The following CSNK1G3 variants were observed in gnomAD, a reference collection of about 807,000 sequenced individuals.
CSNK1G3 encodes casein kinase I isoform gamma-3.
CSNK1G3 carries 23 observed loss-of-function variants against 64.3 expected under a neutral mutation model. The ratio of observed to expected loss-of-function variants is 0.36; its 90% CI spans 0.26 to 0.51. CSNK1G3 has a LOEUF of 0.51. Ranked by LOEUF, CSNK1G3 falls within the 20% of genes least tolerant of loss-of-function variation. The pLI, the probability that CSNK1G3 is intolerant of heterozygous loss-of-function variation, is 0.96. For synonymous variants in CSNK1G3, 158 were observed against 162.2 expected (o/e 0.97, Z 0.20); for missense variants, 357 against 510.5 (o/e 0.70, Z 2.90).
chr5:123,543,804 A>G (rs1031673912), intron 1 of CSNK1G3, among the ~76,000 whole-genome samples: 1 of 152,194 alleles, frequency 6.6e-6, no homozygotes, highest in African/African-American at 2.4e-5. Flanking sequence ...GATGTTCAGT[A>G]TAGTTACTCT....
At chr5:123,529,306 T>C (rs965548237) in intron 1 of CSNK1G3, among the ~76,000 whole-genome samples, 1 of 152,218 alleles carries the variant, frequency 6.6e-6, no homozygotes, top group Non-Finnish European at 1.5e-5. Flanking sequence ...TAACTCTGTA[T>C]TTATCCTGGA....
chr5:123,559,206 A>G (rs899382836), intron 4 of CSNK1G3, among the ~76,000 whole-genome samples: 6 of 151,926 alleles, frequency 3.9e-5, no homozygotes, highest in Non-Finnish European at 5.9e-5. Context: ...GTGATTGCCT[A>G]CTGGGAAATC....
chr5:123,566,022 A>G (rs1175099172), intron 4 of CSNK1G3, among the ~76,000 whole-genome samples: 1 of 152,186 alleles, frequency 6.6e-6, no homozygotes, highest in African/African-American at 2.4e-5. Flanking sequence ...AGACCTGAAA[A>G]TGGATCATGA....
intron 2 of CSNK1G3, 49 bp downstream of exon 2, chr5:123,545,890 G>A: frequency 7.2e-7 from 1 of 1,389,832 alleles, no homozygotes; most frequent in Non-Finnish European, 1.0e-6. Context: ...TTTAAAAATT[G>A]GAAGATACTT....
At chr5:123,610,829 A>C (rs1409748313) in intron 12 of CSNK1G3, among the ~76,000 whole-genome samples, 1 of 152,140 alleles carries the variant, frequency 6.6e-6, no homozygotes, top group African/African-American at 2.4e-5. Flanking sequence ...TAATGAAAAA[A>C]AAATTTACCA....
intron 4 of CSNK1G3, among the ~76,000 whole-genome samples, chr5:123,570,159 A>G (rs2150625445): frequency 6.6e-6 from 1 of 152,310 alleles, no homozygotes; most frequent in South Asian, 2.1e-4. Flanking sequence ...ATTAATTAAG[A>G]CAGTGAAATT....
chr5:123,551,396 G>C (rs1783612037), intron 2 of CSNK1G3, among the ~76,000 whole-genome samples: 1 of 152,058 alleles, frequency 6.6e-6, no homozygotes, highest in Non-Finnish European at 1.5e-5. Context: ...ATGTATATAG[G>C]TTCAATGAGT....
chr5:123,536,236 G>GATAC (rs1780778636), intron 1 of CSNK1G3, among the ~76,000 whole-genome samples: 3 of 152,016 alleles, frequency 2.0e-5, no homozygotes, highest in African/African-American at 7.2e-5. Context: ...AGGTGGGATG[G>GATAC]AAGACAAGGG....
intron 4 of CSNK1G3, among the ~76,000 whole-genome samples, chr5:123,564,504 A>G (rs148264707): frequency 2.1e-4 from 32 of 152,256 alleles, no homozygotes; most frequent in African/African-American, 7.5e-4. Context: ...TTGTAAGAAG[A>G]AAAGATTTGT....
At chr5:123,526,008 A>T (rs1779000407) in intron 1 of CSNK1G3, among the ~76,000 whole-genome samples, 3 of 151,706 alleles carry the variant, frequency 2.0e-5, no homozygotes, top group Admixed American at 2.0e-4. Flanking sequence ...AAAAAAAAAA[A>T]AAAAAAAGTA....
chr5:123,561,474 A>G (rs964706785), intron 4 of CSNK1G3, among the ~76,000 whole-genome samples: 14 of 152,208 alleles, frequency 9.2e-5, no homozygotes, highest in Non-Finnish European at 2.1e-4. Context: ...AAGTAAAGGG[A>G]TGTAATGTGA....
At chr5:123,610,271 G>A (rs1001872528) in intron 12 of CSNK1G3, among the ~76,000 whole-genome samples, 1 of 152,034 alleles carries the variant, frequency 6.6e-6, no homozygotes, top group African/African-American at 2.4e-5. Context: ...AACCTTAAGG[G>A]GAAATATTCT....
chr5:123,575,954 T>G (rs1387998622), exon 6 of CSNK1G3: 1 of 1,604,880 alleles, frequency 6.2e-7, no homozygotes, highest in Non-Finnish European at 8.5e-7. Flanking sequence ...AAACACACAT[T>G]TAGGAAAAGG....
At chr5:123,586,104 G>C (rs1237099861) in intron 6 of CSNK1G3, among the ~76,000 whole-genome samples, 1 of 152,148 alleles carries the variant, frequency 6.6e-6, no homozygotes, top group Non-Finnish European at 1.5e-5. Flanking sequence ...AAAAAGTAAT[G>C]AGCTATGGTT....
At chr5:123,519,254 A>G (rs918378094) in intron 1 of CSNK1G3, among the ~76,000 whole-genome samples, 5 of 151,740 alleles carry the variant, frequency 3.3e-5, no homozygotes, top group Non-Finnish European at 7.4e-5. Context: ...GGGTTTTGCC[A>G]TGTTGGCCAG....
intron 12 of CSNK1G3, among the ~76,000 whole-genome samples, chr5:123,609,035 G>T (rs1477817591): frequency 6.6e-6 from 1 of 152,178 alleles, no homozygotes; most frequent in Non-Finnish European, 1.5e-5. Context: ...TGGATAGAAG[G>T]AGTCAGAGAG....
At chr5:123,535,987 G>T (rs1304399783) in intron 1 of CSNK1G3, among the ~76,000 whole-genome samples, 6 of 151,966 alleles carry the variant, frequency 3.9e-5, no homozygotes, top group Admixed American at 6.6e-5. Context: ...GCTCCTCTAG[G>T]GTTCATGTCA....
At chr5:123,532,594 T>G (rs1452664938) in intron 1 of CSNK1G3, among the ~76,000 whole-genome samples, 1 of 151,858 alleles carries the variant, frequency 6.6e-6, no homozygotes, top group African/African-American at 2.4e-5. Context: ...TGTATGGATT[T>G]CATGTTAAGA....
At chr5:123,607,730 T>C (rs866831574) in intron 12 of CSNK1G3, among the ~76,000 whole-genome samples, 1 of 152,142 alleles carries the variant, frequency 6.6e-6, no homozygotes, top group Non-Finnish European at 1.5e-5. Context: ...GTGAAAAATA[T>C]CTTAATAAAA....
Sources: gnomAD v4.1 joint callset for allele counts (sites outside exome capture counted in the v4.1 genomes callset) on GRCh38, gnomAD v4.1.1 for gene constraint, MANE v1.5 for transcripts, NCBI Gene and HGNC (gene_info 2026-07-23, HGNC 2026-07-21) for gene names.